Variants in ATG16L2 observed in about 807,000 individuals in gnomAD.
The protein encoded by ATG16L2 is autophagy related 16 like 2, also known as protein Atg16l2.
In ATG16L2, 77 loss-of-function variants were observed where a neutral mutation model predicts 84.7. That is an observed-to-expected ratio of 0.91 (90% confidence interval 0.76 to 1.10). The LOEUF is 1.10. Among genes scored for constraint, ATG16L2 ranks in the 50% least tolerant of loss-of-function variants. The pLI is 0.00. For synonymous variants in ATG16L2, 361 were observed against 342.8 expected (o/e 1.05, Z -0.59); for missense variants, 782 against 817.6 (o/e 0.96, Z 0.53).
At chr11:72,830,915 C>T (rs1055201196), downstream of ATG16L2, among the ~76,000 whole-genome samples, 3 of 152,228 alleles carry the variant, frequency 2.0e-5, no homozygotes, top group African/African-American at 4.8e-5. Context: ...TAGGTGCATG[C>T]CACCGTGCCT....
chr11:72,831,272 CAAG>C (rs1287414618), downstream of ATG16L2, among the ~76,000 whole-genome samples: 3 of 152,156 alleles, frequency 2.0e-5, no homozygotes, highest in African/African-American at 7.2e-5. Context: ...TTTAGGAGGC[CAAG>C]GAGGGCAGAT....
chr11:72,827,680 T>C (rs1860442926), intron 14 of ATG16L2, among the ~76,000 whole-genome samples: 1 of 152,238 alleles, frequency 6.6e-6, no homozygotes, highest in South Asian at 2.1e-4. Flanking sequence ...GGCTCATACC[T>C]GTAATCCCAG....
In ATG16L2 at chr11:72,816,724, C is replaced by G. The variant is rs953218098; in HGVS notation, c.119-4C>G. The G allele has an allele frequency of 1.1e-5, 17 of 1,613,304 alleles. No homozygotes were observed. Among genetic ancestry groups the G allele is most frequent in the Non-Finnish European group, 1.4e-5 (16 of 1,179,350 alleles). ...CCCCAGGCTCACTCTCTTGCACTCT[C>G]CAGATAACCATCTCTTAGAGAAGGC... On this transcript the variant is annotated splice_polypyrimidine_tract_variant and splice_region_variant and intron_variant, in intron 1 of 17. Coordinates refer to ENST00000321297, the MANE Select transcript of ATG16L2 (RefSeq NM_033388.2).
chr11:72,833,932 A>ATT (rs34732465), downstream of ATG16L2, among the ~76,000 whole-genome samples: 1,093 of 146,816 alleles, frequency 7.4e-3, 7 homozygotes, highest in Admixed American at 0.014. Flanking sequence ...AAAAAAAAAA[A>ATT]TTTTTTTTTT....
chr11:72,823,761 T>C, intron 7 of ATG16L2: 1 of 521,996 alleles, frequency 1.9e-6, no homozygotes, highest in Non-Finnish European at 3.7e-6. Flanking sequence ...CTCTCCTCCC[T>C]GTAGGCCCCG....
intron 10 of ATG16L2, among the ~76,000 whole-genome samples, chr11:72,825,852 G>C (rs1386313838): frequency 1.3e-5 from 2 of 152,084 alleles, no homozygotes; most frequent in Non-Finnish European, 2.9e-5. Context: ...AGTCAGAGCC[G>C]GCTCCTGGGG....
chr11:72,841,841 C>T (rs1039000492), intron 5 of ATG16L2, among the ~76,000 whole-genome samples: 2 of 152,164 alleles, frequency 1.3e-5, no homozygotes, highest in Non-Finnish European at 2.9e-5. Context: ...AGTGAAGCTA[C>T]TCTCTAGGGT....
At chr11:72,828,226 T>C (rs1860477472) in intron 14 of ATG16L2, 133 bp from the exon 15 acceptor site, 1 of 965,280 alleles carries the variant, frequency 1.0e-6, no homozygotes, top group Non-Finnish European at 1.5e-6. Flanking sequence ...TCGCAGCCTT[T>C]ACCCCAGCGA....
In ATG16L2 at chr11:72,826,710, T is replaced by C. The variant is rs142581537; in HGVS notation, c.1253T>C (p.Leu418Pro). 38 of 1,614,028 alleles carry C rather than the reference T, an allele frequency of 2.4e-5. No homozygotes were observed. The highest frequency in any genetic ancestry group is 2.7e-5 in the Non-Finnish European group (32 of 1,180,014). ...CCTGGGGCCGGGGTACAGGAGACAC[T>C]GTCTGGACACAAGGATAAGGTGACA... ...KVGEAQSKET[L>P]SGHKDKVTAA... The change falls in exon 13 of 18, where the codon CTG becomes CCG. Residue 418 changes from leucine to proline, a missense_variant. Leu to Pro is a moderately conservative substitution (Grantham distance 98, BLOSUM62 -3). Coordinates refer to ENST00000321297, the MANE Select transcript of ATG16L2 (RefSeq NM_033388.2).
intron 15 of ATG16L2, 80 bp from the exon 16 acceptor site, chr11:72,828,649 G>A (rs1450957245): frequency 1.9e-6 from 3 of 1,600,062 alleles, no homozygotes; most frequent in Non-Finnish European, 2.6e-6. Context: ...CCTCGACAAA[G>A]AGGAAGCTCT....
In ATG16L2 at chr11:72,824,063, T is replaced by G. The variant is rs370361758; in HGVS notation, c.828T>G (p.Ser276=). Residue 276 remains serine (S), a synonymous_variant, in exon 8 of 18, where the codon TCT becomes TCG. Transcript: ENST00000321297. ...ACEKWKRPFR[S]ASATSLTLSH... ...ATCTCTCTTGGTTTTGTCTCAGGTCTGCCTCAGCCACCTCCCTGACGCTGT... is the reference window on the plus strand; with the variant it reads ...ATCTCTCTTGGTTTTGTCTCAGGTCGGCCTCAGCCACCTCCCTGACGCTGT... The G allele has an allele frequency of 1.5e-5, 24 of 1,614,126 alleles. No individual in the cohort carries two copies. The African/African-American group carries it at 3.2e-4, about 22-fold the overall frequency.
At chr11:72,823,402 T>A in intron 7 of ATG16L2, 1 of 351,490 alleles carries the variant, frequency 2.8e-6, no homozygotes, top group Non-Finnish European at 5.6e-6. Flanking sequence ...CATGTGTAGA[T>A]GTGTGCTCAC....
intron 5 of ATG16L2, among the ~76,000 whole-genome samples, chr11:72,839,920 C>A: frequency 6.6e-6 from 1 of 152,180 alleles, no homozygotes. Flanking sequence ...TGAGAATTAT[C>A]AGCAGAGACA....
At chr11:72,834,957 C>A (rs1432645002) in intron 5 of ATG16L2, among the ~76,000 whole-genome samples, 1 of 152,220 alleles carries the variant, frequency 6.6e-6, no homozygotes, top group East Asian at 1.9e-4. Context: ...AGTGGCAGGG[C>A]TAAGGCCAGA....
At chr11:72,826,651 T>C in intron 12 of ATG16L2, 52 bp from the exon 13 acceptor site, 1 of 1,613,986 alleles carries the variant, frequency 6.2e-7, no homozygotes, top group Middle Eastern at 1.6e-4. Flanking sequence ...CTAGGGGGCC[T>C]GTTATGGGGT....
Position 72,843,656 on chromosome 11 carries a change from A to T in ATG16L2, c.*1061A>T. On this transcript the variant is annotated 3_prime_UTR_variant, in exon 6 of 6. Transcript: ENST00000534905. ...ATTTTGAGAAACATGTTGAACATAA[A>T]AATTTAAATGCTGTAAAACTTTCAT... is the stretch of plus-strand genomic sequence containing the variant. The T allele has an allele frequency of 1.3e-5, 9 of 676,906 alleles. No homozygotes were observed. The South Asian group carries it at 1.6e-4, about 12-fold the overall frequency. The allele number at this position is 676,906 out of a possible 1,614,324, so 41.9% of individuals were successfully genotyped here. A position where few individuals can be genotyped will look rare whatever the true frequency, so the allele number is the denominator to read the frequency against.
intron 14 of ATG16L2, 131 bp downstream of exon 14, chr11:72,827,424 ACTGC>A (rs1216995240): frequency 2.2e-5 from 16 of 717,140 alleles, no homozygotes; most frequent in Non-Finnish European, 3.6e-5. Context: ...TGGGGCTGGC[ACTGC>A]CAGCTAGTGC....
Position 72,821,694 on chromosome 11 carries a change from C to T in ATG16L2, c.345C>T (p.Gly115=), listed in dbSNP as rs931729599. The T allele has an allele frequency of 6.5e-7, 1 of 1,537,150 alleles. No homozygotes were observed. ...GEMAYQVVEK[G]AALGTLESEL... is the part of the protein sequence containing the mutation. ...TGGCCTACCAGGTGGTGGAGAAGGG[C>T]GCGGCCCTGGGCACGCTGGAGTCGG... Residue 115 remains glycine (G), a synonymous_variant, in exon 4 of 18, where the codon GGC becomes GGT. Coordinates refer to ENST00000321297, the MANE Select transcript of ATG16L2 (RefSeq NM_033388.2).
At chr11:72,827,400 G>A in intron 14 of ATG16L2, 107 bp downstream of exon 14, 2 of 905,846 alleles carry the variant, frequency 2.2e-6, no homozygotes, top group Non-Finnish European at 3.5e-6. Flanking sequence ...TGGCACTTTG[G>A]GCAGGCAAGG....
Sources: allele counts gnomAD v4.1 joint callset (sites outside exome capture counted in the v4.1 genomes callset), GRCh38; gene constraint gnomAD v4.1.1; transcripts MANE v1.5; gene names NCBI Gene and HGNC (gene_info 2026-07-23, HGNC 2026-07-21).